Variants in GALNT10 observed in about 807,000 individuals in gnomAD.
GALNT10 encodes the protein polypeptide N-acetylgalactosaminyltransferase 10, also known as GalNAc transferase 10.
In GALNT10, 41 loss-of-function variants were observed where a neutral mutation model predicts 75.0. The ratio of observed to expected loss-of-function variants is 0.55; its 90% confidence interval spans 0.43 to 0.71. The LOEUF is 0.71. Among genes scored for constraint, GALNT10 ranks in the 30% least tolerant of loss-of-function variants. GALNT10 has a pLI of 0.00. For missense variants in GALNT10, 727 were observed against 818.5 expected (o/e 0.89, Z 1.36); for synonymous variants, 302 against 313.0 (o/e 0.96, Z 0.37).
chr5:154,205,417 T>C (rs1365652992), intron 1 of GALNT10, among the ~76,000 whole-genome samples: 1 of 152,176 alleles, frequency 6.6e-6, no homozygotes, highest in Non-Finnish European at 1.5e-5. Context: ...GGTGGACCCC[T>C]GCTTACTTGT....
intron 1 of GALNT10, among the ~76,000 whole-genome samples, chr5:154,228,475 G>A (rs867257059): frequency 6.6e-6 from 1 of 152,180 alleles, no homozygotes; most frequent in Non-Finnish European, 1.5e-5. Flanking sequence ...GTAAAGATTG[G>A]CATTTGCTTC....
chr5:154,221,589 A>G (rs981551443), intron 1 of GALNT10, among the ~76,000 whole-genome samples: 1 of 150,808 alleles, frequency 6.6e-6, no homozygotes, highest in Non-Finnish European at 1.5e-5. Context: ...CTTCACAGGC[A>G]CCCAGGAATC....
At chr5:154,379,840 G>A (rs578218305) in intron 5 of GALNT10, among the ~76,000 whole-genome samples, 1 of 152,240 alleles carries the variant, frequency 6.6e-6, no homozygotes, top group South Asian at 2.1e-4. Flanking sequence ...AACTTCCTGG[G>A]GCAGTTCATT....
intron 9 of GALNT10, among the ~76,000 whole-genome samples, chr5:154,410,221 G>C (rs1165315001): frequency 6.6e-6 from 1 of 152,140 alleles, no homozygotes; most frequent in African/African-American, 2.4e-5. Context: ...TTACTGATGA[G>C]TAAGAAAGGG....
chr5:154,285,619 C>T (rs1754099852), intron 1 of GALNT10, among the ~76,000 whole-genome samples: 1 of 152,082 alleles, frequency 6.6e-6, no homozygotes, highest in African/African-American at 2.4e-5. Context: ...TCTGTGTGTG[C>T]CCACCCCTAC....
At chr5:154,320,182 AAGAG>A (rs1754652188) in intron 3 of GALNT10, among the ~76,000 whole-genome samples, 1 of 152,238 alleles carries the variant, frequency 6.6e-6, no homozygotes, top group Non-Finnish European at 1.5e-5. Flanking sequence ...GAGGGAGAGA[AAGAG>A]AGATCAAAAA....
At chr5:154,368,730 C>T (rs1755516687) in intron 4 of GALNT10, among the ~76,000 whole-genome samples, 1 of 152,218 alleles carries the variant, frequency 6.6e-6, no homozygotes, top group African/African-American at 2.4e-5. Flanking sequence ...CTGTGCATTT[C>T]ACCTGCCAAA....
intron 10 of GALNT10, among the ~76,000 whole-genome samples, chr5:154,413,230 C>A (rs776741675): frequency 5.9e-5 from 9 of 152,224 alleles, no homozygotes; most frequent in Non-Finnish European, 1.2e-4. Context: ...ATGATGGACA[C>A]TCAGCCCAAA....
chr5:154,283,485 T>C (rs964507057), intron 1 of GALNT10, among the ~76,000 whole-genome samples: 2 of 152,012 alleles, frequency 1.3e-5, no homozygotes, highest in East Asian at 3.9e-4. Flanking sequence ...AAAACAAGAA[T>C]ACCAGAGTGA....
intron 1 of GALNT10, among the ~76,000 whole-genome samples, chr5:154,268,964 C>T (rs1753816183): frequency 7.0e-6 from 1 of 142,954 alleles, no homozygotes; most frequent in Admixed American, 6.7e-5. Context: ...TAGTGAGACC[C>T]CCCATCCCTA....
intron 3 of GALNT10, among the ~76,000 whole-genome samples, chr5:154,303,793 A>C (rs981651833): frequency 1.5e-4 from 23 of 152,240 alleles, no homozygotes; most frequent in African/African-American, 5.5e-4. Flanking sequence ...TTCACTACTA[A>C]GCAATGTGAA....
At chr5:154,261,294 A>G (rs2443519) in intron 1 of GALNT10, among the ~76,000 whole-genome samples, 37,184 of 152,046 alleles carry the variant, frequency 0.24, 5,547 homozygotes, top group African/African-American at 0.42. Flanking sequence ...AGTTCAACCT[A>G]TTCACCTTAC....
At chr5:154,345,227 A>G (rs911671713) in intron 4 of GALNT10, among the ~76,000 whole-genome samples, 1 of 152,188 alleles carries the variant, frequency 6.6e-6, no homozygotes, top group South Asian at 2.1e-4. Context: ...GATCTGATAT[A>G]TATATACATT....
At chr5:154,342,624 T>C (rs1755051658) in intron 4 of GALNT10, among the ~76,000 whole-genome samples, 1 of 152,180 alleles carries the variant, frequency 6.6e-6, no homozygotes, top group Admixed American at 6.5e-5. Flanking sequence ...ATTTGGATAG[T>C]GATGTCTTTG....
intron 3 of GALNT10, among the ~76,000 whole-genome samples, chr5:154,327,487 G>GT (rs1367194105): frequency 1.1e-4 from 17 of 152,316 alleles, no homozygotes; most frequent in Non-Finnish European, 7.4e-5. Context: ...AAAGGACTCA[G>GT]GAACCAACCT....
chr5:154,310,509 A>T lies in GALNT10; in HGVS notation c.401+12430A>T, dbSNP rs553187292. ...TTTTGAGACAGAGTCTCGCTCTGTC[A>T]TCCAGGCTGGAGTGCAGGCGTGATC... is the stretch of plus-strand genomic sequence containing the variant. On this transcript the variant is annotated intron_variant, in intron 3 of 11. Coordinates refer to ENST00000297107, the MANE Select transcript of GALNT10 (RefSeq NM_198321.4). Among the ~76,000 whole-genome samples, 5 of 151,792 alleles carry T rather than the reference A, an allele frequency of 3.3e-5. No individual in the cohort carries two copies. In the South Asian group the frequency reaches 1.0e-3, roughly 32 times the overall value.
intron 4 of GALNT10, among the ~76,000 whole-genome samples, chr5:154,360,659 C>T (rs1210211327): frequency 6.6e-6 from 1 of 152,104 alleles, no homozygotes; most frequent in African/African-American, 2.4e-5. Flanking sequence ...TCCGAAGTCC[C>T]AACAGTGGTT....
At position 154,417,584 on chromosome 5, in the gene GALNT10, G is replaced by A. The variant is rs1472351080; in HGVS notation, c.*612G>A. 3 of 152,730 alleles carry A rather than the reference G, an allele frequency of 2.0e-5. No homozygotes were observed. The highest frequency in any genetic ancestry group is 4.4e-5 in the Non-Finnish European group (3 of 68,466). 9.5% of individuals were successfully genotyped at this position (152,730 alleles called of 1,614,324 possible). A position where few individuals can be genotyped will look rare whatever the true frequency, so the allele number is the denominator to read the frequency against. ...ATACTTGGGGCCCTAAGAGTGTTCA[G>A]TATTGAATGCTGATCAGCTGCCAGG... is the stretch of plus-strand genomic sequence containing the variant. On this transcript the variant is annotated 3_prime_UTR_variant, in exon 12 of 12. Coordinates refer to ENST00000297107, the MANE Select transcript of GALNT10 (RefSeq NM_198321.4).
intron 4 of GALNT10, among the ~76,000 whole-genome samples, chr5:154,350,573 G>A (rs1327185083): frequency 6.6e-6 from 1 of 152,190 alleles, no homozygotes; most frequent in African/African-American, 2.4e-5. Flanking sequence ...ACCAATGGAA[G>A]TAGCCAGTAG....
Sources: gnomAD v4.1 joint callset for allele counts (sites outside exome capture counted in the v4.1 genomes callset) on GRCh38, gnomAD v4.1.1 for gene constraint, MANE v1.5 for transcripts, NCBI Gene and HGNC (gene_info 2026-07-23, HGNC 2026-07-21) for gene names.